The following GNPDA2 variants were observed in gnomAD, a reference collection of about 807,000 sequenced individuals.
GNPDA2 encodes glcN6P deaminase 2.
GNPDA2 carries 24 observed loss-of-function variants against 27.0 expected under a neutral mutation model. The observed-to-expected ratio is 0.89, with a 90% confidence interval of 0.64 to 1.25. GNPDA2 has a LOEUF of 1.25. GNPDA2 is among the 50% of genes most tolerant of loss of function. GNPDA2 has a pLI of 0.00. For synonymous variants in GNPDA2, 94 were observed against 108.4 expected (o/e 0.87, Z 0.83); for missense variants, 286 against 335.1 (o/e 0.85, Z 1.14).
At position 44,722,211 on chromosome 4, in the gene GNPDA2, G is replaced by A. The variant is rs754899233; in HGVS notation, c.-4C>T. 5.0e-6 allele frequency: 8 copies of A among 1,612,706 alleles called. No homozygotes were observed. Among genetic ancestry groups the A allele is most frequent in the South Asian group, 4.4e-5 (4 of 90,874 alleles). ...TATCAAGAATTACAAGCCTCATTAC[G>A]GTGACGCACAGCTTCCAGAACAAGT... On this transcript the variant is annotated 5_prime_UTR_variant, in exon 2 of 7. Coordinates refer to ENST00000295448, the MANE Select transcript of GNPDA2 (RefSeq NM_138335.3).
chr4:44,706,510 C>T (rs1372320947), intron 6 of GNPDA2: 1 of 151,844 alleles, frequency 6.6e-6, no homozygotes, highest in African/African-American at 2.4e-5. Flanking sequence ...ATTTGTATAA[C>T]ACCTTCAAGA....
intron 4 of GNPDA2, among the ~76,000 whole-genome samples, 154 bp downstream of exon 4, chr4:44,716,959 A>G (rs549597123): frequency 9.9e-5 from 15 of 152,016 alleles, no homozygotes; most frequent in African/African-American, 3.1e-4. Flanking sequence ...TTTTCTGAAG[A>G]AAATGAAAAC....
chr4:44,707,996 G>C, intron 5 of GNPDA2, 70 bp from the exon 6 acceptor site: 3 of 1,063,544 alleles, frequency 2.8e-6, no homozygotes, highest in Non-Finnish European at 4.0e-6. Context: ...TTTTTTAAAC[G>C]AGAACTTAAG....
chr4:44,718,561 C>T (rs1465681949), intron 2 of GNPDA2, 151 bp from the exon 3 acceptor site: 15 of 359,380 alleles, frequency 4.2e-5, no homozygotes, highest in Non-Finnish European at 7.8e-5. Flanking sequence ...AATCAACTAA[C>T]AAGTACTTTG....
intron 6 of GNPDA2, chr4:44,704,324 G>A (rs1716455229): frequency 1.0e-6 from 1 of 967,770 alleles, no homozygotes; most frequent in Admixed American, 6.2e-5. Flanking sequence ...TTTAGAAGAT[G>A]CAACATTTTC....
intron 6 of GNPDA2, chr4:44,705,377 GAAGGAGGT>G: frequency 7.1e-6 from 7 of 984,994 alleles, no homozygotes; most frequent in Non-Finnish European, 8.4e-6. Flanking sequence ...TCTTCATATT[GAAGGAGGT>G]ATCCTAACAG....
rs370380122 is a variant in GNPDA2, at chr4:44,710,950, T to G, written c.594+3A>C. 82 of 1,572,386 alleles carry G rather than the reference T, an allele frequency of 5.2e-5. No individual in the cohort carries two copies. The highest frequency in any genetic ancestry group is 7.0e-5 in the Non-Finnish European group (81 of 1,163,382). ...AAGACAGCAAAGAATATTTAATGCTTACTTCTCTAGCATCCATCACTGTCC... is the reference window on the plus strand; with the variant it reads ...AAGACAGCAAAGAATATTTAATGCTGACTTCTCTAGCATCCATCACTGTCC... On this transcript the variant is annotated splice_donor_region_variant and intron_variant, in intron 5 of 6. Coordinates refer to ENST00000295448, the MANE Select transcript of GNPDA2 (RefSeq NM_138335.3).
chr4:44,710,969 A>G lies in GNPDA2; in HGVS notation c.578T>C (p.Val193Ala). 1 of 1,604,800 alleles carries G rather than the reference A, an allele frequency of 6.2e-7. No individual in the cohort carries two copies. Among genetic ancestry groups the G allele is most frequent in the Non-Finnish European group, 8.5e-7 (1 of 1,176,676 alleles). The change falls in exon 5 of 7, where the codon GTG becomes GCG. Residue 193 changes from valine (V) to alanine (A), a missense_variant. Physicochemically the swap from Val to Ala is moderately conservative, Grantham distance 64 (BLOSUM62 0). Transcript: ENST00000295448. ...TMALTVGVGT[V>A]MDAREVMILI... is the part of the protein sequence containing the mutation. ...AATGCTTACTTCTCTAGCATCCATCACTGTCCCCACACCAACAGTTAGAGC... is the reference window on the plus strand; with the variant it reads ...AATGCTTACTTCTCTAGCATCCATCGCTGTCCCCACACCAACAGTTAGAGC...
chr4:44,705,293 T>C, intron 6 of GNPDA2: 1 of 983,360 alleles, frequency 1.0e-6, no homozygotes, highest in Non-Finnish European at 1.2e-6. Context: ...TATTTAAGAA[T>C]ATTCAATTTC....
chr4:44,719,418 CTTGT>C (rs1430327570), intron 2 of GNPDA2, among the ~76,000 whole-genome samples: 4 of 151,982 alleles, frequency 2.6e-5, no homozygotes, highest in Admixed American at 1.3e-4. Flanking sequence ...AAGACTGCCT[CTTGT>C]TTGAGATGTC....
At chr4:44,707,677 C>T (rs1221180566) in intron 6 of GNPDA2, 75 bp downstream of exon 6, 1 of 1,300,714 alleles carries the variant, frequency 7.7e-7, no homozygotes, top group Non-Finnish European at 1.1e-6. Context: ...TGAGATTTAA[C>T]CCCACAGTCA....
chr4:44,701,874 TTTCA>T lies in GNPDA2; in HGVS notation c.*1203_*1206del. The T allele has an allele frequency of 1.0e-6, 1 of 979,880 alleles. No homozygotes were observed. Among genetic ancestry groups the T allele is most frequent in the Non-Finnish European group, 1.2e-6 (1 of 824,960 alleles). The allele number at this position is 979,880 out of a possible 1,614,324, so 60.7% of individuals were successfully genotyped here. A position where few individuals can be genotyped will look rare whatever the true frequency, so the allele number is the denominator to read the frequency against. ...CCATAAAACCCTATTACCAATTTTA[TTTCA>T]TTAATTTATTTGCTATTTTAATATT... On this transcript the variant is annotated 3_prime_UTR_variant, in exon 7 of 7. Transcript: ENST00000295448.
At chr4:44,715,582 C>T (rs1365236247) in intron 4 of GNPDA2, among the ~76,000 whole-genome samples, 1 of 151,866 alleles carries the variant, frequency 6.6e-6, no homozygotes, top group Non-Finnish European at 1.5e-5. Flanking sequence ...TCTATGCACC[C>T]CTCAGACACT....
chr4:44,713,237 A>C (rs1014675436), intron 4 of GNPDA2, among the ~76,000 whole-genome samples: 40 of 152,152 alleles, frequency 2.6e-4, no homozygotes, highest in African/African-American at 9.7e-4. Context: ...TGGTCTAGAG[A>C]TAAGCACTTG....
chr4:44,710,859 C>T (rs977415963), intron 5 of GNPDA2, 94 bp downstream of exon 5: 39 of 1,013,376 alleles, frequency 3.8e-5, no homozygotes, highest in Non-Finnish European at 5.3e-5. Flanking sequence ...AAATAGAATG[C>T]AATCAAAATA....
At chr4:44,721,406 G>T (rs958318073) in intron 2 of GNPDA2, among the ~76,000 whole-genome samples, 5 of 152,064 alleles carry the variant, frequency 3.3e-5, no homozygotes, top group African/African-American at 1.2e-4. Context: ...CAAATGCCTT[G>T]TAGTCAATAA....
At chr4:44,704,611 C>G in intron 6 of GNPDA2, 1 of 796,040 alleles carries the variant, frequency 1.3e-6, no homozygotes, top group Non-Finnish European at 1.5e-6. Context: ...TTTACTGTGA[C>G]TTTAGGTAAA....
At chr4:44,705,705 A>C (rs1331670973) in intron 6 of GNPDA2, 1 of 153,258 alleles carries the variant, frequency 6.5e-6, no homozygotes, top group African/African-American at 2.4e-5. Flanking sequence ...AGGCAGTATA[A>C]TAGAATAGAC....
chr4:44,703,780 C>T, intron 6 of GNPDA2: 1 of 985,218 alleles, frequency 1.0e-6, no homozygotes, highest in Non-Finnish European at 1.2e-6. Context: ...GCAGACTGCT[C>T]TTAGCTATGG....
Sources: allele counts gnomAD v4.1 joint callset (sites outside exome capture counted in the v4.1 genomes callset), GRCh38; gene constraint gnomAD v4.1.1; transcripts MANE v1.5; gene names NCBI Gene and HGNC (gene_info 2026-07-23, HGNC 2026-07-21).